Variants in DNAH14 observed in about 807,000 individuals in gnomAD.
DNAH14 encodes the protein dynein axonemal heavy chain 14.
Under a neutral mutation model 520.9 loss-of-function variants are expected in DNAH14, and 478 were observed. The observed-to-expected ratio is 0.92, with a 90% CI of 0.85 to 0.99. The LOEUF is 0.99. DNAH14 is among the 50% of genes least tolerant of loss of function. The pLI is 0.00. For missense variants in DNAH14, 4,831 were observed against 5,234.5 expected, an observed-to-expected ratio of 0.92 and a Z score of 2.38; for synonymous variants, 1,581 against 1,757.2, an observed-to-expected ratio of 0.90 and a Z score of 2.51.
At chr1:225,195,479 G>A (rs1319571226) in intron 38 of DNAH14, among the ~76,000 whole-genome samples, 1 of 150,766 alleles carries the variant, frequency 6.6e-6, no homozygotes, top group East Asian at 2.0e-4. Context: ...ACAAAGATGG[G>A]AACAATAGAC....
chr1:225,236,019 A>C (rs1449323001), intron 42 of DNAH14, among the ~76,000 whole-genome samples: 3 of 151,972 alleles, frequency 2.0e-5, no homozygotes, highest in African/African-American at 7.2e-5. Context: ...AGGATTTTTC[A>C]TGTCTCTATC....
chr1:224,929,957 C>T (rs2058569514), intron 1 of DNAH14, 122 bp downstream of exon 1: 1 of 525,726 alleles, frequency 1.9e-6, no homozygotes, highest in African/African-American at 2.0e-5. Flanking sequence ...GCGCTCCCCA[C>T]CCAGCTGCTG....
rs2095286018 is a variant in DNAH14, at chr1:225,346,362, G to A, written c.11079G>A (p.Leu3693=). ...ATATTAAAAGTGCAATAGACATGTT[G>A]ACAAAAAGTATTTTTAAGGTGAGAT... ...DKHIKSAIDM[L]TKSIFKVVSS... is the part of the protein sequence containing the mutation. The change falls in exon 70 of 86, where the codon TTG becomes TTA. Residue 3693 remains leucine, a synonymous_variant. Coordinates refer to ENST00000682510, the MANE Select transcript of DNAH14 (RefSeq NM_001367479.1). 2.0e-6 allele frequency: 3 copies of A among 1,523,634 alleles called. No individual in the cohort carries two copies. In the Admixed American group the frequency reaches 7.0e-5, roughly 36 times the overall value. 94.4% of individuals were successfully genotyped at this position (1,523,634 alleles called of 1,614,324 possible). A position where few individuals can be genotyped will look rare whatever the true frequency, so the allele number is the denominator to read the frequency against.
upstream of DNAH14, chr1:224,929,657 G>A (rs1249663265): frequency 7.1e-6 from 5 of 702,330 alleles, no homozygotes; most frequent in South Asian, 4.4e-5. Context: ...CTTCGCCAGG[G>A]CGCAGGCGTG....
At chr1:225,035,028 C>G (rs577051655) in intron 11 of DNAH14, among the ~76,000 whole-genome samples, 2 of 135,184 alleles carry the variant, frequency 1.5e-5, no homozygotes, top group South Asian at 2.6e-4. Flanking sequence ...AACAACAGCT[C>G]CTGGATTCTT....
rs1574390907 is a variant in DNAH14, at chr1:225,265,427, A to G, written c.7410+58A>G. ...GCTTAGGCTAGTCAAGTGATAGTTTATTTTAATTAATACTAATCAGAAGAA... is the reference window on the plus strand; with the variant it reads ...GCTTAGGCTAGTCAAGTGATAGTTTGTTTTAATTAATACTAATCAGAAGAA... On this transcript the variant is annotated intron_variant, in intron 48 of 85. Transcript: ENST00000682510. 5.8e-6 allele frequency: 8 copies of G among 1,378,540 alleles called. No homozygotes were observed. In the East Asian group the frequency reaches 2.2e-4, roughly 38 times the overall value. The allele number at this position is 1,378,540 out of a possible 1,614,324, so 85.4% of individuals were successfully genotyped here.
chr1:225,334,955 T>G (rs1489391414), intron 66 of DNAH14, among the ~76,000 whole-genome samples: 1 of 148,592 alleles, frequency 6.7e-6, no homozygotes, highest in African/African-American at 2.6e-5. Flanking sequence ...TGTAGAGACC[T>G]CAAGCAATCC....
chr1:225,395,019 T>C (rs2095986693), intron 84 of DNAH14, among the ~76,000 whole-genome samples: 1 of 152,174 alleles, frequency 6.6e-6, no homozygotes, highest in Admixed American at 6.5e-5. Flanking sequence ...CCTGTTTCTA[T>C]TGAAATAATC....
chr1:225,242,257 A>G (rs574046067), intron 43 of DNAH14, among the ~76,000 whole-genome samples: 31 of 152,240 alleles, frequency 2.0e-4, no homozygotes, highest in Non-Finnish European at 3.7e-4. Flanking sequence ...TTTTTCTTCA[A>G]TAATAACCTT....
At chr1:225,005,456 G>A (rs2064093629) in intron 9 of DNAH14, among the ~76,000 whole-genome samples, 2 of 152,104 alleles carry the variant, frequency 1.3e-5, no homozygotes, top group African/African-American at 4.8e-5. Context: ...AGAGATACTT[G>A]AGTGATAGAG....
chr1:225,267,816 C>T (rs749242394), intron 49 of DNAH14, among the ~76,000 whole-genome samples: 10 of 151,430 alleles, frequency 6.6e-5, no homozygotes, highest in South Asian at 2.1e-4. Flanking sequence ...GGCATGTGAG[C>T]GCTATCAGGT....
intron 74 of DNAH14, among the ~76,000 whole-genome samples, chr1:225,359,605 G>T (rs772721443): frequency 6.6e-6 from 1 of 152,042 alleles, no homozygotes; most frequent in Non-Finnish European, 1.5e-5. Context: ...ACCTTATCTG[G>T]AGTGCCTCCA....
At chr1:225,318,523 A>G in intron 60 of DNAH14, 60 bp from the exon 61 acceptor site, 1 of 1,430,482 alleles carries the variant, frequency 7.0e-7, no homozygotes, top group Non-Finnish European at 9.4e-7. Flanking sequence ...GCATACAAAA[A>G]TTTTAAATAT....
intron 1 of DNAH14, among the ~76,000 whole-genome samples, chr1:224,932,130 T>C (rs936653024): frequency 2.6e-5 from 4 of 152,144 alleles, no homozygotes; most frequent in Admixed American, 6.6e-5. Flanking sequence ...TTTTTTGACT[T>C]TGACTTTTTA....
At position 225,167,986 on chromosome 1, in the gene DNAH14, A is replaced by G. The variant is rs759838671; in HGVS notation, c.5493A>G (p.Ser1831=). 6.5e-7 allele frequency: 1 copy of G among 1,540,136 alleles called. No individual in the cohort carries two copies. The highest frequency in any genetic ancestry group is 1.4e-5 in the African/African-American group (1 of 72,446). Residue 1831 remains serine (S), a synonymous_variant, in exon 36 of 86, where the codon TCA becomes TCG. Transcript: ENST00000682510. ...AGCAATTGGGTTTACAAAACTGGTCATCTCAGAAAGAGAAGATTATACAGT... is the reference window on the plus strand; with the variant it reads ...AGCAATTGGGTTTACAAAACTGGTCGTCTCAGAAAGAGAAGATTATACAGT... ...ATQQLGLQNW[S]SQKEKIIQFY...
chr1:225,167,996 GAGA>G lies in DNAH14; in HGVS notation c.5507_5509del (p.Lys1836del). 1 of 1,540,178 alleles carries G rather than the reference GAGA, an allele frequency of 6.5e-7. No homozygotes were observed. Among genetic ancestry groups the G allele is most frequent in the Non-Finnish European group, 8.8e-7 (1 of 1,141,106 alleles). On this transcript the variant is annotated inframe_deletion, in exon 36 of 86. Coordinates refer to ENST00000682510, the MANE Select transcript of DNAH14 (RefSeq NM_001367479.1). The stretch of plus-strand genomic sequence containing the variant: ...TTTACAAAACTGGTCATCTCAGAAA[GAGA>G]AGATTATACAGTTTTATAATCAACT...
intron 35 of DNAH14, among the ~76,000 whole-genome samples, chr1:225,167,108 A>G (rs1163914752): frequency 1.3e-5 from 2 of 152,200 alleles, no homozygotes; most frequent in African/African-American, 2.4e-5. Flanking sequence ...ATTCCACTTA[A>G]GAGAGCAATT....
chr1:225,085,551 A>G lies in DNAH14; in HGVS notation c.3335A>G (p.Gln1112Arg), dbSNP rs752598564. The change falls in exon 21 of 86, where the codon CAG becomes CGG. Residue 1112 changes from glutamine (Q) to arginine (R), a missense_variant. By Grantham distance (43) the Gln-to-Arg change is conservative. Coordinates refer to ENST00000682510, the MANE Select transcript of DNAH14 (RefSeq NM_001367479.1). ...VENLLALKMF[Q>R]YENEINDMST... Reference sequence around the variant, plus strand: ...ATACTTTGTTCATTTTAGATGTTTCAGTATGAAAATGAAATAAATGATATG... The same window carrying G: ...ATACTTTGTTCATTTTAGATGTTTCGGTATGAAAATGAAATAAATGATATG... 1.3e-6 allele frequency: 2 copies of G among 1,542,900 alleles called. No individual in the cohort carries two copies. Among genetic ancestry groups the G allele is most frequent in the Non-Finnish European group, 1.8e-6 (2 of 1,140,034 alleles).
intron 36 of DNAH14, among the ~76,000 whole-genome samples, chr1:225,182,224 T>C (rs1194640121): frequency 1.3e-5 from 2 of 151,952 alleles, no homozygotes; most frequent in African/African-American, 2.4e-5. Flanking sequence ...AGGAATTAAT[T>C]AAGAAATTAA....
Sources: gnomAD v4.1 joint callset for allele counts (sites outside exome capture counted in the v4.1 genomes callset) on GRCh38, gnomAD v4.1.1 for gene constraint, MANE v1.5 for transcripts, NCBI Gene and HGNC (gene_info 2026-07-23, HGNC 2026-07-21) for gene names.